OGT: variants seen among roughly 807,000 people sequenced by gnomAD.
The protein encoded by OGT is O-linked N-acetylglucosamine (GlcNAc) transferase, also known as UDP-N-acetylglucosamine--peptide N-acetylglucosaminyltransferase 110 kDa subunit.
OGT carries 3 observed loss-of-function variants against 75.8 expected under a neutral mutation model. That is an observed-to-expected ratio of 0.04 (90% CI 0.02 to 0.10). OGT has a LOEUF of 0.10. Among genes scored for constraint, OGT ranks in the 10% least tolerant of loss-of-function variants. The pLI is 1.00. For missense variants in OGT, 260 were observed against 824.4 expected (o/e 0.32, Z 8.38); for synonymous variants, 257 against 289.7 (o/e 0.89, Z 1.15).
intron 4 of OGT, chrX:71,546,202 A>G: frequency 1.3e-6 from 1 of 753,827 alleles, no homozygotes; most frequent in Non-Finnish European, 1.6e-6. Context: ...CATGTTTCCC[A>G]TATTACAGAC....
chrX:71,564,828 T>C (rs1275748294), intron 19 of OGT, 75 bp downstream of exon 19: 6 of 851,269 alleles, frequency 7.0e-6, no homozygotes, highest in Non-Finnish European at 1.0e-5. Context: ...GTCCTTCCAC[T>C]CCCATTTAGG....
At chrX:71,567,850 C>A (rs1427012413) in intron 20 of OGT, 98 bp downstream of exon 20, 2 of 1,079,370 alleles carry the variant, frequency 1.9e-6, no homozygotes, top group Non-Finnish European at 2.5e-6. Flanking sequence ...CTAGGAGCAA[C>A]ATTAAAGGAA....
intron 4 of OGT, chrX:71,546,205 T>G: frequency 6.6e-6 from 5 of 753,971 alleles, no homozygotes; most frequent in Non-Finnish European, 7.8e-6. Context: ...GTTTCCCATA[T>G]TACAGACTTG....
chrX:71,548,082 C>A, intron 5 of OGT, 59 bp downstream of exon 5: 1 of 1,094,342 alleles, frequency 9.1e-7, no homozygotes, highest in East Asian at 3.0e-5. Context: ...AGTGTTTTTA[C>A]TAGAACTAAA....
intron 5 of OGT, among the ~76,000 whole-genome samples, chrX:71,549,253 A>AC (rs1316399308): frequency 3.0e-4 from 26 of 86,377 alleles, no homozygotes; most frequent in African/African-American, 1.1e-3. Flanking sequence ...CCAAGATTGC[A>AC]CCACTGCACT....
intron 18 of OGT, among the ~76,000 whole-genome samples, chrX:71,564,175 T>A (rs2040402195): frequency 8.9e-6 from 1 of 112,202 alleles, no homozygotes; most frequent in Non-Finnish European, 1.9e-5. Flanking sequence ...TGTAAGGCAG[T>A]ACTCAAATGT....
intron 3 of OGT, among the ~76,000 whole-genome samples, chrX:71,544,177 G>A (rs1012916346): frequency 5.4e-5 from 6 of 111,417 alleles, no homozygotes; most frequent in African/African-American, 1.6e-4. Flanking sequence ...AGCTAATGGG[G>A]CCAAATGCAT....
At chrX:71,564,856 CT>C in intron 19 of OGT, 103 bp downstream of exon 19, 1 of 712,647 alleles carries the variant, frequency 1.4e-6, no homozygotes, top group South Asian at 3.2e-5. Flanking sequence ...CTGCTCATTT[CT>C]TTTTAAAATT....
chrX:71,541,573 T>G (rs1257048853), intron 3 of OGT, among the ~76,000 whole-genome samples: 3 of 111,169 alleles, frequency 2.7e-5, no homozygotes, highest in African/African-American at 9.8e-5. Flanking sequence ...TTTCCTCGAG[T>G]GGGTGCTTAT....
rs112939771 is a variant in OGT, at chrX:71,547,518, G to A, written c.532-389G>A. 254 of 779,214 alleles carry A rather than the reference G, an allele frequency of 3.3e-4. 2 individuals carry two copies. The African/African-American group carries it at 5.1e-3, about 16-fold the overall frequency. 64.2% of individuals were successfully genotyped at this position (779,214 alleles called of 1,213,427 possible). On this transcript the variant is annotated intron_variant, in intron 4 of 21. Transcript: ENST00000373719. Reference sequence around the variant, plus strand: ...GAAACAGTGGGGGTAGGAAAACTCGGCCTCAAGTTGCGCCCTCTAGGTAGC... The same window carrying A: ...GAAACAGTGGGGGTAGGAAAACTCGACCTCAAGTTGCGCCCTCTAGGTAGC...
chrX:71,568,400 G>C (rs1047058031), intron 21 of OGT, among the ~76,000 whole-genome samples: 2 of 112,484 alleles, frequency 1.8e-5, no homozygotes, highest in Non-Finnish European at 3.7e-5. Flanking sequence ...GCAATGTAAA[G>C]ACTGCAGAAC....
chrX:71,546,307 CTT>C, intron 4 of OGT: 1 of 753,940 alleles, frequency 1.3e-6, no homozygotes, highest in Non-Finnish European at 1.6e-6. Context: ...TATTTTCTCT[CTT>C]GTTTTTGGTT....
chrX:71,570,121 A>G (rs1333420713), intron 21 of OGT, among the ~76,000 whole-genome samples: 1 of 93,243 alleles, frequency 1.1e-5, no homozygotes, highest in African/African-American at 4.3e-5. Flanking sequence ...GCTCACTGCA[A>G]CCTCTGCCTC....
chrX:71,558,646 T>G (rs1226945966), intron 12 of OGT, among the ~76,000 whole-genome samples: 1 of 110,810 alleles, frequency 9.0e-6, no homozygotes, highest in Non-Finnish European at 1.9e-5. Flanking sequence ...CATGAGCCAC[T>G]GCCCCCAGCC....
chrX:71,542,629 T>C (rs1314569900), intron 3 of OGT, among the ~76,000 whole-genome samples: 1 of 111,618 alleles, frequency 9.0e-6, no homozygotes, highest in Non-Finnish European at 1.9e-5. Flanking sequence ...TGTTGGAGAA[T>C]TATTGCAAGA....
At chrX:71,566,461 C>T (rs1262530571) in intron 19 of OGT, among the ~76,000 whole-genome samples, 3 of 111,864 alleles carry the variant, frequency 2.7e-5, no homozygotes, top group Non-Finnish European at 3.8e-5. Context: ...TCCTTCTTCG[C>T]GTGATGGCAG....
intron 5 of OGT, among the ~76,000 whole-genome samples, chrX:71,548,870 T>C (rs1217471942): frequency 9.0e-6 from 1 of 111,390 alleles, no homozygotes; most frequent in Non-Finnish European, 1.9e-5. Flanking sequence ...AATTTACCCA[T>C]TTAACAAACC....
At chrX:71,548,538 T>C (rs35847609) in intron 5 of OGT, among the ~76,000 whole-genome samples, 4,498 of 111,859 alleles carry the variant, frequency 0.04, 70 homozygotes, top group Non-Finnish European at 0.046. Flanking sequence ...CCATCAACGG[T>C]GGGCTAAAGA....
At chrX:71,565,113 C>CGT (rs1280548388) in intron 19 of OGT, among the ~76,000 whole-genome samples, 1 of 112,342 alleles carries the variant, frequency 8.9e-6, no homozygotes, top group Non-Finnish European at 1.9e-5. Flanking sequence ...GAGCCAAGAT[C>CGT]GTGCCATTGC....
Sources: allele counts gnomAD v4.1 joint callset (sites outside exome capture counted in the v4.1 genomes callset), GRCh38; gene constraint gnomAD v4.1.1; transcripts MANE v1.5; gene names NCBI Gene and HGNC (gene_info 2026-07-23, HGNC 2026-07-21).